CD3E: variants seen among roughly 807,000 people sequenced by gnomAD.
CD3E encodes the protein CD3 epsilon subunit of T-cell receptor complex, also known as T-cell surface glycoprotein CD3 epsilon chain.
Under a neutral mutation model 34.7 loss-of-function variants are expected in CD3E, and 16 were observed. The observed-to-expected ratio is 0.46, with a 90% CI of 0.31 to 0.70. The LOEUF is 0.70. Ranked by LOEUF, CD3E falls within the 30% of genes least tolerant of loss-of-function variation. The probability of loss-of-function intolerance (pLI) is 0.05; values close to 1 mark genes in which losing one functional copy is unlikely to be tolerated. For synonymous variants in CD3E, 70 were observed against 90.8 expected, an observed-to-expected ratio of 0.77 and a Z score of 1.30; for missense variants, 223 against 253.9, an observed-to-expected ratio of 0.88 and a Z score of 0.83.
At chr11:118,308,836 G>A (rs1948121170) in intron 4 of CD3E, among the ~76,000 whole-genome samples, 1 of 152,178 alleles carries the variant, frequency 6.6e-6, no homozygotes, top group African/African-American at 2.4e-5. Context: ...CTCCCCTCAA[G>A]AAGCTGATGG....
chr11:118,314,414 TG>T, intron 7 of CD3E, 33 bp from the exon 8 acceptor site: 1 of 1,599,968 alleles, frequency 6.3e-7, no homozygotes, highest in Non-Finnish European at 8.6e-7. Context: ...GGTTCCCTCA[TG>T]GGAATGAAAT....
At chr11:118,304,822 G>T in intron 1 of CD3E, 46 bp downstream of exon 1, 1 of 814,096 alleles carries the variant, frequency 1.2e-6, no homozygotes, top group East Asian at 2.5e-5. Context: ...CCTAGCATTG[G>T]GAACAATGGC....
At chr11:118,306,937 A>G (rs1349967074) in intron 2 of CD3E, among the ~76,000 whole-genome samples, 1 of 152,234 alleles carries the variant, frequency 6.6e-6, no homozygotes, top group Non-Finnish European at 1.5e-5. Context: ...TCTTCCACAG[A>G]CACCAATGTT....
At chr11:118,315,463 C>G in intron 8 of CD3E, 23 bp from the exon 9 acceptor site, 1 of 1,607,554 alleles carries the variant, frequency 6.2e-7, no homozygotes, top group Non-Finnish European at 8.5e-7. Context: ...CCACTGACCG[C>G]CCCCTCTCTA....
chr11:118,315,780 C>T lies in CD3E; in HGVS notation c.*238C>T. The T allele has an allele frequency of 1.7e-6, 1 of 605,608 alleles. No homozygotes were observed. Among genetic ancestry groups the T allele is most frequent in the Non-Finnish European group, 3.0e-6 (1 of 338,238 alleles). The allele number at this position is 605,608 out of a possible 1,614,324, so 37.5% of individuals were successfully genotyped here. A position where few individuals can be genotyped will look rare whatever the true frequency, so the allele number is the denominator to read the frequency against. ...GAAGCATCATCAGTAGTCACACCCT[C>T]ACAGCTGGCCTGCCCTCTTGCCAGG... is the stretch of plus-strand genomic sequence containing the variant. On this transcript the variant is annotated 3_prime_UTR_variant, in exon 9 of 9. Coordinates refer to ENST00000361763, the MANE Select transcript of CD3E (RefSeq NM_000733.4).
At chr11:118,305,187 A>G (rs538903690) in intron 2 of CD3E, among the ~76,000 whole-genome samples, 186 bp downstream of exon 2, 3 of 152,366 alleles carry the variant, frequency 2.0e-5, no homozygotes, top group South Asian at 4.1e-4. Context: ...GGTGCCTGGG[A>G]GAGCGTTCGG....
rs200744872 is a variant in CD3E at position 118,313,866 on chromosome 11, G to C, written c.512G>C (p.Arg171Thr). The C allele has an allele frequency of 1.9e-6, 3 of 1,613,052 alleles. No individual in the cohort carries two copies. Among genetic ancestry groups the C allele is most frequent in the Non-Finnish European group, 2.5e-6 (3 of 1,179,986 alleles). The change falls in exon 7 of 9, where the codon AGG becomes ACG. Residue 171 changes from arginine to threonine, a missense_variant. Physicochemically the swap from Arg to Thr is moderately conservative, Grantham distance 71. Transcript: ENST00000361763. ...PVTRGAGAGG[R>T]QRGQNKERPP... ...ACACGAGGAGCGGGTGCTGGCGGCA[G>C]GCAAAGGGGTAAGGCTGTGGAGTCC... is the stretch of plus-strand genomic sequence containing the variant.
At chr11:118,305,175 C>T (rs948023936) in intron 2 of CD3E, among the ~76,000 whole-genome samples, 174 bp downstream of exon 2, 8 of 152,202 alleles carry the variant, frequency 5.3e-5, no homozygotes, top group African/African-American at 1.4e-4. Flanking sequence ...AGATAGGCCA[C>T]GGGTGCCTGG....
intron 3 of CD3E, among the ~76,000 whole-genome samples, chr11:118,307,999 T>C (rs1948117059): frequency 6.6e-6 from 1 of 152,022 alleles, no homozygotes; most frequent in Non-Finnish European, 1.5e-5. Context: ...CGAAACCCCG[T>C]CTCTACTAAA....
rs201731562 is a variant in CD3E at position 118,315,689 on chromosome 11, C to T, written c.*147C>T. On this transcript the variant is annotated 3_prime_UTR_variant, in exon 9 of 9. Transcript: ENST00000361763. The stretch of plus-strand genomic sequence containing the variant: ...ACTCGCGCCCTCCAGCCTGATCCCC[C>T]GCTCCCTCCTCCCTGCCTTCTCTGC... The T allele has an allele frequency of 1.3e-5, 9 of 713,794 alleles. No individual in the cohort carries two copies. Among genetic ancestry groups the T allele is most frequent in the Admixed American group, 6.1e-5 (3 of 49,054 alleles). 44.2% of individuals were successfully genotyped at this position (713,794 alleles called of 1,614,324 possible).
intron 7 of CD3E, 90 bp from the exon 8 acceptor site, chr11:118,314,358 C>T: frequency 9.4e-7 from 1 of 1,058,872 alleles, no homozygotes; most frequent in Non-Finnish European, 1.5e-6. Flanking sequence ...ATGGGGTTTG[C>T]CATTCTCTAT....
chr11:118,311,823 G>A (rs1372780881), intron 4 of CD3E, among the ~76,000 whole-genome samples: 1 of 152,136 alleles, frequency 6.6e-6, no homozygotes, highest in African/African-American at 2.4e-5. Flanking sequence ...TAATTTAAGA[G>A]GATAAGCTTG....
chr11:118,312,114 T>G (rs1945765), intron 4 of CD3E, 39 bp from the exon 5 acceptor site: 1 of 1,583,958 alleles, frequency 6.3e-7, no homozygotes, highest in Non-Finnish European at 8.7e-7. Context: ...ACTTAAACCA[T>G]GATATTTTCT....
chr11:118,312,304 G>A, intron 5 of CD3E, 134 bp downstream of exon 5: 1 of 922,616 alleles, frequency 1.1e-6, no homozygotes. Context: ...CTCCATTTTA[G>A]AAAGGTTCCA....
chr11:118,311,283 G>GAACT (rs1948134287), intron 4 of CD3E, among the ~76,000 whole-genome samples: 1 of 152,138 alleles, frequency 6.6e-6, no homozygotes, highest in East Asian at 1.9e-4. Context: ...GCAGAACCCA[G>GAACT]TGTTCCAGCC....
chr11:118,305,036 C>T (rs1188418506), intron 2 of CD3E, 35 bp downstream of exon 2: 2 of 1,599,698 alleles, frequency 1.3e-6, no homozygotes, highest in Middle Eastern at 1.7e-4. Context: ...TGGTGTGTCT[C>T]CAGACCGCTG....
intron 2 of CD3E, 57 bp downstream of exon 2, chr11:118,305,058 G>T: frequency 6.8e-7 from 1 of 1,475,512 alleles, no homozygotes. Context: ...AAGGCTTACA[G>T]CCTTACCTGG....
At chr11:118,309,836 G>T (rs1428365870) in intron 4 of CD3E, among the ~76,000 whole-genome samples, 2 of 152,174 alleles carry the variant, frequency 1.3e-5, no homozygotes, top group Non-Finnish European at 2.9e-5. Flanking sequence ...TGCAGATTTA[G>T]GCCAAGTGCC....
chr11:118,314,443 C>A lies in CD3E; in HGVS notation c.521-5C>A, dbSNP rs761838794. The A allele has an allele frequency of 2.5e-6, 4 of 1,613,534 alleles. No homozygotes were observed. The highest frequency in any genetic ancestry group is 3.4e-6 in the Non-Finnish European group (4 of 1,179,572). On this transcript the variant is annotated splice_polypyrimidine_tract_variant and splice_region_variant and intron_variant, in intron 7 of 8. Coordinates refer to ENST00000361763, the MANE Select transcript of CD3E (RefSeq NM_000733.4). ...AATGAAATGTTTCCCCTCCTTCCTC[C>A]GCAGGACAAAACAAGGAGAGGCCAC...
Sources: allele counts gnomAD v4.1 joint callset (sites outside exome capture counted in the v4.1 genomes callset), GRCh38; gene constraint gnomAD v4.1.1; transcripts MANE v1.5; gene names NCBI Gene and HGNC (gene_info 2026-07-23, HGNC 2026-07-21).